The following FRYL variants were observed in gnomAD, a reference collection of about 807,000 sequenced individuals.
The protein encoded by FRYL is protein furry homolog-like.
FRYL carries 150 observed loss-of-function variants against 351.2 expected under a neutral mutation model. That is an observed-to-expected ratio of 0.43 (90% CI 0.37 to 0.49). The LOEUF is 0.49. FRYL is among the 20% of genes least tolerant of loss of function. The pLI is 0.00. For synonymous variants in FRYL, 1,153 were observed against 1,257.1 expected (o/e 0.92, Z 1.75); for missense variants, 3,036 against 3,619.3 (o/e 0.84, Z 4.13).
At chr4:48,536,995 C>G (rs1729038844) in intron 47 of FRYL, among the ~76,000 whole-genome samples, 2 of 152,052 alleles carry the variant, frequency 1.3e-5, no homozygotes, top group Admixed American at 1.3e-4. Flanking sequence ...ATCATTAAAA[C>G]CAGCTGATTT....
In FRYL at chr4:48,551,823, G is replaced by A. The variant is rs7665696; in HGVS notation, c.4436-245C>T. ...GAAGGCTGAATCCAAAGGTGGTGGT[G>A]GGTGAAAACCAAGAAGCTTCCATGT... On this transcript the variant is annotated intron_variant, in intron 36 of 63. Transcript: ENST00000358350. 3.0e-3 allele frequency among the ~76,000 whole-genome samples: 462 copies of A among 152,292 alleles called. 1 individual carries two copies. Among genetic ancestry groups the A allele is most frequent in the African/African-American group, 0.011 (441 of 41,562 alleles).
chr4:48,680,516 T>C lies in FRYL; in HGVS notation c.-81+4157A>G, dbSNP rs543878770. On this transcript the variant is annotated intron_variant, in intron 3 of 63. Transcript: ENST00000358350. ...TCTATTCAAAGATTTAACTTTTTAA[T>C]ATTTCAGCCCAAATATTCATTATCT... Among the ~76,000 whole-genome samples, 3 of 152,090 alleles carry C rather than the reference T, an allele frequency of 2.0e-5. No homozygotes were observed. In the South Asian group the frequency reaches 6.2e-4, roughly 32 times the overall value.
At chr4:48,524,419 C>A (rs763773634) in intron 53 of FRYL, among the ~76,000 whole-genome samples, 3 of 151,910 alleles carry the variant, frequency 2.0e-5, no homozygotes, top group Admixed American at 6.6e-5. Context: ...TTATTATGTA[C>A]CAAAACACAT....
chr4:48,766,893 G>A (rs1043699401), intron 1 of FRYL, among the ~76,000 whole-genome samples: 11 of 150,538 alleles, frequency 7.3e-5, no homozygotes, highest in East Asian at 1.9e-4. Flanking sequence ...GTAGATTCAC[G>A]GATTTCCATA....
At chr4:48,518,640 C>A (rs1384459115) in intron 55 of FRYL, among the ~76,000 whole-genome samples, 1 of 152,186 alleles carries the variant, frequency 6.6e-6, no homozygotes, top group Non-Finnish European at 1.5e-5. Context: ...GTGTTCCAGC[C>A]TTACTGGCCA....
chr4:48,676,757 T>G lies in FRYL; in HGVS notation c.-81+7916A>C, dbSNP rs1479431733. On this transcript the variant is annotated intron_variant, in intron 3 of 63. Coordinates refer to ENST00000358350, the MANE Select transcript of FRYL (RefSeq NM_015030.2). The stretch of plus-strand genomic sequence containing the variant: ...TCCAAGGGCAAAATCCTTCCAATCT[T>G]GTATACTTTCCTGGCCTATGTGAAA... Among the ~76,000 whole-genome samples the G allele has an allele frequency of 4.6e-5, 7 of 152,328 alleles. No individual in the cohort carries two copies. In the South Asian group the frequency reaches 1.5e-3, roughly 32 times the overall value.
intron 3 of FRYL, among the ~76,000 whole-genome samples, chr4:48,674,105 T>C (rs1229563993): frequency 1.3e-5 from 2 of 152,218 alleles, no homozygotes; most frequent in Non-Finnish European, 2.9e-5. Context: ...TTAACCCTTA[T>C]CCTTGATTCC....
At chr4:48,740,357 C>T (rs1203737243) in intron 1 of FRYL, among the ~76,000 whole-genome samples, 3 of 143,690 alleles carry the variant, frequency 2.1e-5, no homozygotes, top group Admixed American at 7.2e-5. Flanking sequence ...TGCAGTGACG[C>T]GATTTCTGCT....
chr4:48,657,327 C>T (rs1421747802), intron 3 of FRYL, among the ~76,000 whole-genome samples: 4 of 151,234 alleles, frequency 2.6e-5, no homozygotes, highest in Non-Finnish European at 4.4e-5. Flanking sequence ...CACACCACCA[C>T]GCCCAGCTGA....
At chr4:48,775,995 A>G (rs1176454292) in intron 1 of FRYL, among the ~76,000 whole-genome samples, 1 of 151,890 alleles carries the variant, frequency 6.6e-6, no homozygotes, top group Non-Finnish European at 1.5e-5. Flanking sequence ...TTTACTAACT[A>G]AAATTTGCAA....
At chr4:48,702,122 A>C (rs1178410456) in intron 2 of FRYL, among the ~76,000 whole-genome samples, 1 of 152,142 alleles carries the variant, frequency 6.6e-6, no homozygotes, top group Non-Finnish European at 1.5e-5. Context: ...CTAATCTCAT[A>C]CAATTCAACG....
chr4:48,600,369 C>A (rs1011566848), intron 13 of FRYL, among the ~76,000 whole-genome samples: 1 of 152,046 alleles, frequency 6.6e-6, no homozygotes, highest in Non-Finnish European at 1.5e-5. Flanking sequence ...CTGAATAGAG[C>A]CTTAATGTAA....
chr4:48,735,182 A>G (rs1336579696), intron 1 of FRYL, among the ~76,000 whole-genome samples: 2 of 92,650 alleles, frequency 2.2e-5, no homozygotes, highest in Admixed American at 1.4e-4. Flanking sequence ...ACACTTCTCA[A>G]AAGAAGACAT....
intron 32 of FRYL, among the ~76,000 whole-genome samples, 160 bp from the exon 33 acceptor site, chr4:48,561,796 C>CT (rs983058427): frequency 1.3e-5 from 2 of 152,180 alleles, no homozygotes; most frequent in African/African-American, 4.8e-5. Flanking sequence ...GGGAGGATCA[C>CT]TTGAGGCCAG....
At chr4:48,601,946 C>T (rs1745795070) in intron 13 of FRYL, 74 bp downstream of exon 13, 7 of 822,066 alleles carry the variant, frequency 8.5e-6, no homozygotes, top group African/African-American at 1.7e-5. Context: ...TTTCATTATG[C>T]ACTGTTCAAT....
Position 48,512,676 on chromosome 4 carries a change from T to C in FRYL, c.7950A>G (p.Glu2650=), listed in dbSNP as rs748119465. The C allele has an allele frequency of 6.2e-6, 10 of 1,612,432 alleles. No homozygotes were observed. The highest frequency in any genetic ancestry group is 1.7e-5 in the Admixed American group (1 of 59,972). ...GTACTTCTGGAAAACCATCTTGCTC[T>C]TCTTCATCTTGACTATTAACACAGA... ...DFSGLSSQDE[E]EQDGFPEVQT... is the part of the protein sequence containing the mutation. The change falls in exon 57 of 64, where the codon GAA becomes GAG. Residue 2650 remains glutamate (E), a synonymous_variant. Coordinates refer to ENST00000358350, the MANE Select transcript of FRYL (RefSeq NM_015030.2).
chr4:48,655,658 A>G (rs1213451417), intron 3 of FRYL, among the ~76,000 whole-genome samples: 1 of 147,470 alleles, frequency 6.8e-6, no homozygotes, highest in East Asian at 1.9e-4. Flanking sequence ...TATATACATT[A>G]TATATAATGT....
chr4:48,769,426 G>A (rs1396239167), intron 1 of FRYL, among the ~76,000 whole-genome samples: 3 of 152,274 alleles, frequency 2.0e-5, no homozygotes, highest in Middle Eastern at 3.4e-3. Flanking sequence ...ATGATAATAC[G>A]AAATGTTGGA....
chr4:48,742,793 G>A (rs1252921972), intron 1 of FRYL, among the ~76,000 whole-genome samples: 1 of 151,730 alleles, frequency 6.6e-6, no homozygotes, highest in African/African-American at 2.4e-5. Context: ...CACCCTTTTG[G>A]AGGGTAATCT....
Sources: allele counts gnomAD v4.1 joint callset (sites outside exome capture counted in the v4.1 genomes callset), GRCh38; gene constraint gnomAD v4.1.1; transcripts MANE v1.5; gene names NCBI Gene and HGNC (gene_info 2026-07-23, HGNC 2026-07-21).